STMN3: variants seen among roughly 807,000 people sequenced by gnomAD.
STMN3 encodes the protein stathmin-3.
Under a neutral mutation model 23.2 loss-of-function variants are expected in STMN3, and 24 were observed. The ratio of observed to expected loss-of-function variants is 1.03; its 90% CI spans 0.75 to 1.45. STMN3 has a LOEUF of 1.45. Among genes scored for constraint, STMN3 ranks in the 40% most tolerant of loss-of-function variants. The pLI, the probability that STMN3 is intolerant of heterozygous loss-of-function variation, is 0.00. For synonymous variants in STMN3, 117 were observed against 103.4 expected, an observed-to-expected ratio of 1.13 and a Z score of -0.80; for missense variants, 235 against 237.6, an observed-to-expected ratio of 0.99 and a Z score of 0.07.
chr20:63,649,538 T>C (rs1320273702), intron 1 of STMN3, among the ~76,000 whole-genome samples: 1 of 152,082 alleles, frequency 6.6e-6, no homozygotes, highest in Non-Finnish European at 1.5e-5. Context: ...CTCTCTCTTT[T>C]TGTTTTTTTG....
At position 63,647,991 on chromosome 20, in the gene STMN3, T is replaced by TGTATATATATATATACAC. The variant is rs1555897558; in HGVS notation, c.20-3683_20-3682insGTGTATATATATATATAC. Among the ~76,000 whole-genome samples the TGTATATATATATATACAC allele has an allele frequency of 1.8e-4, 14 of 75,892 alleles. 1 individual carries two copies. The highest frequency in any genetic ancestry group is 8.1e-5 in the Non-Finnish European group (3 of 36,902). 49.8% of individuals were successfully genotyped at this position (75,892 alleles called of 152,430 possible). ...ATATATATATATATACATATATATATACAGAGAGAGAGAGAGTAGTGATAG... is the reference window on the plus strand; with the variant it reads ...ATATATATATATATACATATATATATGTATATATATATATACACACAGAGAGAGAGAGAGTAGTGATAG... On this transcript the variant is annotated intron_variant, in intron 1 of 4. Transcript: ENST00000370053.
chr20:63,647,689 G>C (rs1051448858), intron 1 of STMN3, among the ~76,000 whole-genome samples: 1 of 45,090 alleles, frequency 2.2e-5, no homozygotes, highest in Admixed American at 2.6e-4. Flanking sequence ...ATATACACGT[G>C]TATATATATA....
rs1370338904 is a variant in STMN3, at chr20:63,643,746, G to T, written c.291+10C>A. ...AACTCCTGGGGGGTGGGGGATGGAG[G>T]ACTCCTTGCCTTCCTCCGCTCCTCG... is the stretch of plus-strand genomic sequence containing the variant. On this transcript the variant is annotated intron_variant, in intron 3 of 4. Transcript: ENST00000370053. 4.6e-6 allele frequency: 7 copies of T among 1,527,180 alleles called. No individual in the cohort carries two copies. The highest frequency in any genetic ancestry group is 1.4e-5 in the African/African-American group (1 of 70,102). The allele number at this position is 1,527,180 out of a possible 1,614,324, so 94.6% of individuals were successfully genotyped here. A position where few individuals can be genotyped will look rare whatever the true frequency, so the allele number is the denominator to read the frequency against.
At position 63,639,746 on chromosome 20, in the gene STMN3, T is replaced by G. The variant is rs2089744488; in HGVS notation, c.*1592A>C. 1 of 152,286 alleles carries G rather than the reference T, an allele frequency of 6.6e-6. No homozygotes were observed. The allele number at this position is 152,286 out of a possible 1,614,324, so 9.4% of individuals were successfully genotyped here. ...CACAGGTGTTTATTTAATTGTTCAT[T>G]TGATTGAATTTTTAAGTTCACTTTA... On this transcript the variant is annotated 3_prime_UTR_variant, in exon 5 of 5. Transcript: ENST00000370053.
rs1460910234 is a variant in STMN3, at chr20:63,650,656, C to T, written c.19+2671G>A. On this transcript the variant is annotated intron_variant, in intron 1 of 4. Transcript: ENST00000370053. ...TGCCCGCTCCCAGGGTCACACCTGA[C>T]GCCCACCCGGGTGGATGGTGCCCGC... Among the ~76,000 whole-genome samples, 196 of 127,648 alleles carry T rather than the reference C, an allele frequency of 1.5e-3. 16 individuals are homozygous for T. Among genetic ancestry groups the T allele is most frequent in the Admixed American group, 2.4e-3 (32 of 13,084 alleles). The allele number at this position is 127,648 out of a possible 152,430, so 83.7% of individuals were successfully genotyped here. A position where few individuals can be genotyped will look rare whatever the true frequency, so the allele number is the denominator to read the frequency against.
chr20:63,646,818 T>TA (rs1458412947), intron 1 of STMN3, among the ~76,000 whole-genome samples: 9 of 149,170 alleles, frequency 6.0e-5, no homozygotes, highest in Non-Finnish European at 8.9e-5. Context: ...TTTTTTTTTT[T>TA]ATCTCTGCTC....
intron 1 of STMN3, among the ~76,000 whole-genome samples, chr20:63,647,973 T>TATAC (rs1569070348): frequency 2.7e-4 from 22 of 81,828 alleles, no homozygotes; most frequent in African/African-American, 1.1e-3. Flanking sequence ...TATATATATA[T>TATAC]ATATATACAT....
chr20:63,642,168 C>G lies in STMN3; in HGVS notation c.423G>C (p.Glu141Asp), dbSNP rs748845818. Residue 141 changes from glutamate (E) to aspartate (D), a missense_variant, in exon 4 of 5, where the codon GAG becomes GAC. By Grantham distance (45) the Glu-to-Asp change is conservative. Transcript: ENST00000370053. The part of the protein sequence containing the change: ...QAEEKLNYKM[E>D]LSKEIREAHL... ...GTGCCTCGCGGATCTCCTTGCTGAG[C>G]TCCATCTTGTAGTTGAGCTTCTCCT... 5.1e-6 allele frequency: 8 copies of G among 1,560,406 alleles called. No homozygotes were observed. In the Admixed American group the frequency reaches 1.5e-4, roughly 29 times the overall value.
intron 1 of STMN3, among the ~76,000 whole-genome samples, chr20:63,649,829 C>CTT (rs953904914): frequency 1.5e-4 from 19 of 124,828 alleles, no homozygotes; most frequent in Non-Finnish European, 2.4e-4. Context: ...CGCGCCTGGA[C>CTT]TTTTTTTTTT....
At position 63,642,315 on chromosome 20, in the gene STMN3, G is replaced by C. The variant is rs2089775645; in HGVS notation, c.292-16C>G. 6.9e-7 allele frequency: 1 copy of C among 1,454,916 alleles called. No homozygotes were observed. Among genetic ancestry groups the C allele is most frequent in the Non-Finnish European group, 9.1e-7 (1 of 1,100,676 alleles). The allele number at this position is 1,454,916 out of a possible 1,614,324, so 90.1% of individuals were successfully genotyped here. The stretch of plus-strand genomic sequence containing the variant: ...CCTCCTGCGTCTGTGCGGGGCCGGC[G>C]GGCGCGCGTGAGCGGCAACCCCGGG... On this transcript the variant is annotated splice_polypyrimidine_tract_variant and intron_variant, in intron 3 of 4. Transcript: ENST00000370053.
At position 63,652,416 on chromosome 20, in the gene STMN3, G is replaced by A. The variant is rs1411533266; in HGVS notation, c.19+911C>T. The A allele has an allele frequency of 3.6e-5, 10 of 277,792 alleles. No homozygotes were observed. The highest frequency in any genetic ancestry group is 5.5e-5 in the Non-Finnish European group (10 of 182,936). 17.2% of individuals were successfully genotyped at this position (277,792 alleles called of 1,614,324 possible). On this transcript the variant is annotated intron_variant, in intron 1 of 4. Transcript: ENST00000370053. This position sits in a 1 kb window ranked among gnomAD's most constrained non-coding sequence, Gnocchi z 5.3. ...AAGCGGGTTCTGCGGCCTCGCGGCG[G>A]AGCAGAGCGTTTCGGGAAGGGCGGG...
chr20:63,649,177 G>A (rs1170256255), intron 1 of STMN3, among the ~76,000 whole-genome samples: 1 of 152,162 alleles, frequency 6.6e-6, no homozygotes, highest in African/African-American at 2.4e-5. Context: ...GTCCCTCAAG[G>A]AGCAAGTGGG....
At position 63,652,149 on chromosome 20, in the gene STMN3, T is replaced by A. The variant is rs1329384580; in HGVS notation, c.19+1178A>T. 1 of 152,254 alleles carries A rather than the reference T, an allele frequency of 6.6e-6. No individual in the cohort carries two copies. The highest frequency in any genetic ancestry group is 6.5e-5 in the Admixed American group (1 of 15,282). 9.4% of individuals were successfully genotyped at this position (152,254 alleles called of 1,614,324 possible). ...CCTCCTGGCAGGTGCTGAAGTCACC[T>A]GGAGCCTCCAAGCCCGTGGGGCCTG... On this transcript the variant is annotated intron_variant, in intron 1 of 4. Transcript: ENST00000370053. This position sits in a 1 kb window ranked among gnomAD's most constrained non-coding sequence, Gnocchi z 5.3.
In STMN3 at chr20:63,652,693, A is replaced by G. The variant is rs973804458; in HGVS notation, c.19+634T>C. ...CCCCCATCCAGACCCCGCGGCGCAAAGGGCAGTGGCTTTTCTGGCCAGAGC... is the reference window on the plus strand; with the variant it reads ...CCCCCATCCAGACCCCGCGGCGCAAGGGGCAGTGGCTTTTCTGGCCAGAGC... On this transcript the variant is annotated intron_variant, in intron 1 of 4. Coordinates refer to ENST00000370053, the MANE Select transcript of STMN3 (RefSeq NM_015894.4). The surrounding 1 kb of genome is among the most constrained non-coding windows in gnomAD (Gnocchi z 5.3). 1.9e-5 allele frequency: 19 copies of G among 985,786 alleles called. No homozygotes were observed. Among genetic ancestry groups the G allele is most frequent in the South Asian group, 4.7e-5 (1 of 21,306 alleles). The allele number at this position is 985,786 out of a possible 1,614,324, so 61.1% of individuals were successfully genotyped here.
At chr20:63,649,814 G>A (rs1162424472) in intron 1 of STMN3, among the ~76,000 whole-genome samples, 4 of 144,156 alleles carry the variant, frequency 2.8e-5, no homozygotes, top group African/African-American at 1.0e-4. Flanking sequence ...ACAGGTGTGA[G>A]CCACCGCGCC....
In STMN3 at chr20:63,652,481, T is replaced by G; in HGVS notation, c.19+846A>C. 1.2e-6 allele frequency: 1 copy of G among 808,200 alleles called. No homozygotes were observed. Among genetic ancestry groups the G allele is most frequent in the Non-Finnish European group, 1.5e-6 (1 of 667,930 alleles). 50.1% of individuals were successfully genotyped at this position (808,200 alleles called of 1,614,324 possible). On this transcript the variant is annotated intron_variant, in intron 1 of 4. Coordinates refer to ENST00000370053, the MANE Select transcript of STMN3 (RefSeq NM_015894.4). The surrounding 1 kb of genome is among the most constrained non-coding windows in gnomAD (Gnocchi z 5.3). ...GCCCGAGGTCGCCCGGCAGCTCCCC[T>G]GCGTCCAGAATCCGCCCCCCGCCCG...
rs933642855 is a variant in STMN3 at position 63,652,237 on chromosome 20, C to A, written c.19+1090G>T. Reference sequence around the variant, plus strand: ...AGTTCTGCGCCCCGGGCCAAGGCGCCCGAGTTGAACCAGTCAGCTCGGGAG... The same window carrying A: ...AGTTCTGCGCCCCGGGCCAAGGCGCACGAGTTGAACCAGTCAGCTCGGGAG... On this transcript the variant is annotated intron_variant, in intron 1 of 4. Transcript: ENST00000370053. This position sits in a 1 kb window ranked among gnomAD's most constrained non-coding sequence, Gnocchi z 5.3. The A allele has an allele frequency of 2.0e-5, 3 of 152,138 alleles. No homozygotes were observed. Among genetic ancestry groups the A allele is most frequent in the Non-Finnish European group, 4.4e-5 (3 of 68,048 alleles). 9.4% of individuals were successfully genotyped at this position (152,138 alleles called of 1,614,324 possible). A position where few individuals can be genotyped will look rare whatever the true frequency, so the allele number is the denominator to read the frequency against.
intron 1 of STMN3, among the ~76,000 whole-genome samples, chr20:63,648,650 C>T (rs1601061871): frequency 6.6e-6 from 1 of 152,282 alleles, no homozygotes; most frequent in South Asian, 2.1e-4. Context: ...GCAGGAGAAT[C>T]ACTTGAGCCT....
At chr20:63,649,409 A>G (rs2089840580) in intron 1 of STMN3, among the ~76,000 whole-genome samples, 1 of 152,166 alleles carries the variant, frequency 6.6e-6, no homozygotes, top group African/African-American at 2.4e-5. Flanking sequence ...GAGCATGTCT[A>G]CTGCCTCTTA....
Sources: allele counts gnomAD v4.1 joint callset (sites outside exome capture counted in the v4.1 genomes callset), GRCh38; gene constraint gnomAD v4.1.1; non-coding constraint Gnocchi (gnomAD v3.1); transcripts MANE v1.5; gene names NCBI Gene and HGNC (gene_info 2026-07-23, HGNC 2026-07-21).